MSRA: variants seen among roughly 807,000 people sequenced by gnomAD.
MSRA encodes the protein methionine sulfoxide reductase A.
A neutral mutation model predicts 31.3 loss-of-function variants in MSRA; 54 were observed. That is an observed-to-expected ratio of 1.73 (90% confidence interval 1.39 to 2.17). MSRA has a LOEUF of 2.17. Among genes scored for constraint, MSRA ranks in the 30% most tolerant of loss-of-function variants. MSRA has a pLI of 0.00. For synonymous variants in MSRA, 169 were observed against 116.5 expected (o/e 1.45, Z -2.90); for missense variants, 507 against 300.9 (o/e 1.69, Z -5.07).
chr8:10,331,881 T>G (rs1802722363), intron 5 of MSRA, among the ~76,000 whole-genome samples: 1 of 152,230 alleles, frequency 6.6e-6, no homozygotes, highest in African/African-American at 2.4e-5. Flanking sequence ...TTGTATTGTT[T>G]TTATTCATTT....
intron 5 of MSRA, chr8:10,337,919 G>C: frequency 3.0e-6 from 2 of 656,630 alleles, no homozygotes; most frequent in South Asian, 1.7e-5. Context: ...TCGTGTTTCT[G>C]ATGCAAGACT....
At chr8:10,396,680 C>A (rs1159865803) in intron 5 of MSRA, among the ~76,000 whole-genome samples, 2 of 152,178 alleles carry the variant, frequency 1.3e-5, no homozygotes, top group African/African-American at 4.8e-5. Context: ...GTCTCTTTCC[C>A]CAAGGGAACT....
chr8:10,217,393 C>T (rs1166646767), intron 2 of MSRA, among the ~76,000 whole-genome samples: 2 of 152,218 alleles, frequency 1.3e-5, no homozygotes, highest in Admixed American at 6.5e-5. Context: ...TGCTAGCGTG[C>T]TTGTCTGCTG....
intron 3 of MSRA, among the ~76,000 whole-genome samples, chr8:10,276,734 A>G (rs530045429): frequency 3.9e-5 from 6 of 152,324 alleles, no homozygotes; most frequent in African/African-American, 1.2e-4. Flanking sequence ...TGCAGCTTCA[A>G]TTGTGGGGGC....
intron 1 of MSRA, among the ~76,000 whole-genome samples, chr8:10,203,665 A>G (rs1050166566): frequency 6.6e-6 from 1 of 152,268 alleles, no homozygotes; most frequent in Non-Finnish European, 1.5e-5. Context: ...ATCATAAACA[A>G]TGATGTTACT....
At chr8:10,297,432 C>T (rs377126986) in intron 3 of MSRA, among the ~76,000 whole-genome samples, 4 of 152,090 alleles carry the variant, frequency 2.6e-5, no homozygotes, top group South Asian at 4.1e-4. Context: ...GCTATGTGCG[C>T]GATGTTATGT....
At chr8:10,268,497 C>G (rs955502758) in intron 3 of MSRA, among the ~76,000 whole-genome samples, 1 of 152,240 alleles carries the variant, frequency 6.6e-6, no homozygotes, top group African/African-American at 2.4e-5. Context: ...CACCATCCTT[C>G]TCTTTTCTGA....
chr8:10,093,913 G>C (rs1798987607), intron 1 of MSRA, among the ~76,000 whole-genome samples: 1 of 152,114 alleles, frequency 6.6e-6, no homozygotes, highest in Non-Finnish European at 1.5e-5. Context: ...TTTCCTTTCA[G>C]CTCTTTGACT....
intron 1 of MSRA, among the ~76,000 whole-genome samples, chr8:10,175,249 T>G (rs762415163): frequency 1.3e-5 from 2 of 152,226 alleles, no homozygotes; most frequent in Non-Finnish European, 2.9e-5. Flanking sequence ...ATTCCATTGT[T>G]TTATTTGACT....
intron 2 of MSRA, among the ~76,000 whole-genome samples, chr8:10,216,270 G>T (rs968772649): frequency 6.6e-6 from 1 of 152,138 alleles, no homozygotes; most frequent in South Asian, 2.1e-4. Flanking sequence ...AAAAGAAAGT[G>T]AAATGAAATA....
intron 5 of MSRA, among the ~76,000 whole-genome samples, chr8:10,387,504 G>C (rs1340256156): frequency 2.0e-5 from 3 of 152,194 alleles, no homozygotes; most frequent in African/African-American, 7.2e-5. Flanking sequence ...AAGAGATGTA[G>C]GCAGTTTTGA....
At chr8:10,197,375 G>A (rs184210607) in intron 1 of MSRA, among the ~76,000 whole-genome samples, 1 of 152,192 alleles carries the variant, frequency 6.6e-6, no homozygotes, top group African/African-American at 2.4e-5. Flanking sequence ...CTTGTGTTGG[G>A]AACTCAGGCT....
intron 3 of MSRA, among the ~76,000 whole-genome samples, chr8:10,252,743 G>C (rs2975703): frequency 0.65 from 98,974 of 151,696 alleles, 32,728 homozygotes; most frequent in Non-Finnish European, 0.71. Context: ...CATATAATAA[G>C]CTGGTACGCA....
At chr8:10,162,972 C>G (rs1804794839) in intron 1 of MSRA, among the ~76,000 whole-genome samples, 1 of 152,148 alleles carries the variant, frequency 6.6e-6, no homozygotes, top group Non-Finnish European at 1.5e-5. Context: ...AATCCTAGCC[C>G]ACAAATTCGT....
chr8:10,124,898 A>T (rs559298002), intron 1 of MSRA, among the ~76,000 whole-genome samples: 3 of 152,352 alleles, frequency 2.0e-5, no homozygotes, highest in South Asian at 4.1e-4. Context: ...TGTACTGGGA[A>T]GATGTATTTT....
intron 5 of MSRA, among the ~76,000 whole-genome samples, chr8:10,369,875 G>C (rs1177668986): frequency 6.6e-6 from 1 of 152,172 alleles, no homozygotes; most frequent in African/African-American, 2.4e-5. Context: ...ACTTATAGCA[G>C]ATAAAAGAGG....
chr8:10,169,731 A>C (rs1805437772), intron 1 of MSRA, among the ~76,000 whole-genome samples: 2 of 152,232 alleles, frequency 1.3e-5, no homozygotes, highest in Non-Finnish European at 2.9e-5. Context: ...ATTGTAAATG[A>C]TACCTTAAAA....
chr8:10,319,656 T>G (rs916593027), intron 4 of MSRA, among the ~76,000 whole-genome samples: 1 of 151,642 alleles, frequency 6.6e-6, no homozygotes, highest in Non-Finnish European at 1.5e-5. Flanking sequence ...TAAATCTACC[T>G]GAGTTCAAAG....
chr8:10,358,754 G>T (rs572530204), intron 5 of MSRA, among the ~76,000 whole-genome samples: 1 of 149,608 alleles, frequency 6.7e-6, no homozygotes, highest in Non-Finnish European at 1.5e-5. Flanking sequence ...CACTACGCCC[G>T]GCTAATTTTT....
Sources: gnomAD v4.1 joint callset for allele counts (sites outside exome capture counted in the v4.1 genomes callset) on GRCh38, gnomAD v4.1.1 for gene constraint, MANE v1.5 for transcripts, NCBI Gene and HGNC (gene_info 2026-07-23, HGNC 2026-07-21) for gene names.